Variants in HEMK2 observed in about 807,000 individuals in gnomAD.
HEMK2 encodes HemK methyltransferase 2, ETF1 glutamine and histone H4 lysine.
At chr21:28,771,398 A>G in the HEMK2 span, among the ~76,000 whole-genome samples, 1 of 152,078 alleles carries the variant, frequency 6.6e-6, no homozygotes, top group African/African-American at 2.4e-5. Flanking sequence ...CACCCTGACC[A>G]GGAGACATTT....
At chr21:28,775,380 A>G in the HEMK2 span, among the ~76,000 whole-genome samples, 4 of 152,218 alleles carry the variant, frequency 2.6e-5, no homozygotes, top group African/African-American at 9.6e-5. Context: ...CATTCAGGAA[A>G]ACAAAGTCCA....
the HEMK2 span, among the ~76,000 whole-genome samples, chr21:28,849,137 T>C: frequency 1.3e-5 from 2 of 151,916 alleles, no homozygotes; most frequent in African/African-American, 4.8e-5. Flanking sequence ...CCTCAGCCCC[T>C]CCGGTACAGA....
chr21:28,608,729 C>T, the HEMK2 span, among the ~76,000 whole-genome samples: 77 of 152,280 alleles, frequency 5.1e-4, no homozygotes, highest in African/African-American at 1.8e-3. Flanking sequence ...GTGGGAGTGA[C>T]ACTGGCCTTT....
chr21:28,734,919 G>A, the HEMK2 span, among the ~76,000 whole-genome samples: 1 of 152,210 alleles, frequency 6.6e-6, no homozygotes, highest in Non-Finnish European at 1.5e-5. Flanking sequence ...GCAAGTCAGA[G>A]TAGGATAAAC....
chr21:28,619,177 A>G, the HEMK2 span, among the ~76,000 whole-genome samples: 1 of 152,166 alleles, frequency 6.6e-6, no homozygotes, highest in Admixed American at 6.5e-5. Flanking sequence ...TCAGAAGGAA[A>G]CAATCTTGTC....
chr21:28,841,284 T>TA, the HEMK2 span, among the ~76,000 whole-genome samples: 58 of 4,920 alleles, frequency 0.012, 3 homozygotes, highest in African/African-American at 0.11. Flanking sequence ...ATATTATATA[T>TA]AATATATATT....
At chr21:28,727,739 A>G in the HEMK2 span, among the ~76,000 whole-genome samples, 1 of 152,224 alleles carries the variant, frequency 6.6e-6, no homozygotes, top group African/African-American at 2.4e-5. Context: ...TTGATGTTCA[A>G]ATAGGACCAC....
chr21:28,788,199 CGTATATATACGTATATAT>C, the HEMK2 span, among the ~76,000 whole-genome samples: 11 of 147,206 alleles, frequency 7.5e-5, no homozygotes, highest in South Asian at 2.1e-4. Flanking sequence ...TACGTATATA[CGTATATATACGTATATAT>C]GTATATATAC....
the HEMK2 span, among the ~76,000 whole-genome samples, chr21:28,775,648 T>G: frequency 1.3e-5 from 2 of 152,138 alleles, no homozygotes; most frequent in African/African-American, 4.8e-5. Context: ...CCCAACAATG[T>G]CAAATTCTTC....
the HEMK2 span, among the ~76,000 whole-genome samples, chr21:28,731,631 AG>A: frequency 6.6e-6 from 1 of 151,488 alleles, no homozygotes; most frequent in Non-Finnish European, 1.5e-5. Context: ...GGGGAGGGAT[AG>A]CATTAGGAGA....
At chr21:28,796,588 T>C in the HEMK2 span, among the ~76,000 whole-genome samples, 1 of 151,978 alleles carries the variant, frequency 6.6e-6, no homozygotes, top group Admixed American at 6.6e-5. Flanking sequence ...AAAAAAAAAC[T>C]GAGTCTTACT....
chr21:28,599,340 G>A, the HEMK2 span, among the ~76,000 whole-genome samples: 38 of 152,262 alleles, frequency 2.5e-4, no homozygotes, highest in African/African-American at 5.3e-4. Context: ...CAATCATGGC[G>A]AAGGCAAAAG....
At chr21:28,770,694 C>A in the HEMK2 span, among the ~76,000 whole-genome samples, 1 of 152,072 alleles carries the variant, frequency 6.6e-6, no homozygotes, top group Non-Finnish European at 1.5e-5. Flanking sequence ...CTCTCTCACT[C>A]GCTCTCACCT....
chr21:28,730,363 C>T, the HEMK2 span, among the ~76,000 whole-genome samples: 6 of 147,866 alleles, frequency 4.1e-5, no homozygotes, highest in Admixed American at 4.2e-4. Context: ...CCTGGGCAAA[C>T]CTTGTCTCAA....
the HEMK2 span, among the ~76,000 whole-genome samples, chr21:28,709,205 C>T: frequency 6.6e-6 from 1 of 152,212 alleles, no homozygotes; most frequent in Non-Finnish European, 1.5e-5. Context: ...AGGATTTCAA[C>T]TCATGAATTT....
the HEMK2 span, among the ~76,000 whole-genome samples, chr21:28,739,934 G>A: frequency 6.6e-6 from 1 of 152,148 alleles, no homozygotes; most frequent in Non-Finnish European, 1.5e-5. Flanking sequence ...AGCATGAGAA[G>A]AAAGGTCTAC....
At chr21:28,804,659 C>T in the HEMK2 span, among the ~76,000 whole-genome samples, 1 of 152,158 alleles carries the variant, frequency 6.6e-6, no homozygotes, top group African/African-American at 2.4e-5. Flanking sequence ...AAATGATCTA[C>T]CCTGTGGTAA....
At chr21:28,831,590 G>GAAAGAAAGAAA in the HEMK2 span, among the ~76,000 whole-genome samples, 1 of 60,452 alleles carries the variant, frequency 1.7e-5, no homozygotes, top group Admixed American at 1.9e-4. Context: ...AAGGAAAGAA[G>GAAAGAAAGAAA]GAAAGAAGGA....
chr21:28,594,050 T>C, the HEMK2 span, among the ~76,000 whole-genome samples: 6 of 152,234 alleles, frequency 3.9e-5, no homozygotes, highest in Admixed American at 1.3e-4. Context: ...CATGATGTGA[T>C]GAGAATGGCA....
Sources: gnomAD v4.1 joint callset for allele counts (sites outside exome capture counted in the v4.1 genomes callset) on GRCh38, gnomAD v4.1.1 for gene constraint, MANE v1.5 for transcripts, NCBI Gene and HGNC (gene_info 2026-07-23, HGNC 2026-07-21) for gene names.